The following GTPBP3 variants were observed in gnomAD, a reference collection of about 807,000 sequenced individuals.
The protein encoded by GTPBP3 is GTP binding protein 3, mitochondrial, also known as 5-taurinomethyluridine-[tRNA] synthase subunit GTPB3, mitochondrial.
Under a neutral mutation model 42.0 loss-of-function variants are expected in GTPBP3, and 35 were observed. The observed-to-expected ratio is 0.83, with a 90% confidence interval of 0.64 to 1.10. The LOEUF (loss-of-function observed/expected upper bound fraction) is 1.10, where lower values mean the gene tolerates loss of function less well. Among genes scored for constraint, GTPBP3 ranks in the 50% least tolerant of loss-of-function variants. GTPBP3 has a pLI of 0.00. For missense variants in GTPBP3, 691 were observed against 685.2 expected (o/e 1.01, Z -0.09); for synonymous variants, 332 against 314.9 (o/e 1.05, Z -0.58).
chr19:17,338,303 T>TTC (rs2074388309), intron 2 of GTPBP3, 48 bp downstream of exon 2: 3 of 1,606,186 alleles, frequency 1.9e-6, no homozygotes. Flanking sequence ...ATGACTCAGT[T>TTC]TCCCCCTTCC....
Position 17,341,151 on chromosome 19 carries a change from G to A in GTPBP3, c.1082G>A (p.Ser361Asn), listed in dbSNP as rs374190574. The A allele has an allele frequency of 3.7e-6, 6 of 1,613,458 alleles. No homozygotes were observed. In the African/African-American group the frequency reaches 4.0e-5, roughly 11 times the overall value. The change falls in exon 8 of 9, where the codon AGC becomes AAC. Residue 361 changes from serine (S) to asparagine (N), a missense_variant. Ser to Asn is a conservative substitution (Grantham distance 46, BLOSUM62 1). Transcript: ENST00000324894. ...GTCGTAGCCTCTGTGGGAGCCCAGA[G>A]CCCCAGTGACAGCAGCCAGCGCCTC... Reference protein sequence around the residue: ...ATVVASVGAQSPSDSSQRLLL... With the variant: ...ATVVASVGAQNPSDSSQRLLL...
At chr19:17,337,764 T>C (rs895652669) in intron 1 of GTPBP3, 100 bp downstream of exon 1, 14 of 1,346,312 alleles carry the variant, frequency 1.0e-5, no homozygotes, top group African/African-American at 1.5e-5. Flanking sequence ...GGCAGAGCAA[T>C]CATTCGCGTT....
upstream of GTPBP3, chr19:17,335,081 A>G (rs1005435631): frequency 1.3e-6 from 2 of 1,535,958 alleles, no homozygotes; most frequent in African/African-American, 1.4e-5. Flanking sequence ...CCCATCTGCA[A>G]ACTCCGGACC....
At chr19:17,339,640 C>T in intron 7 of GTPBP3, 41 bp downstream of exon 7, 2 of 1,524,664 alleles carry the variant, frequency 1.3e-6, no homozygotes, top group Non-Finnish European at 1.8e-6. Context: ...ACGCGGGGCC[C>T]TTTCTCTGCC....
In GTPBP3 at chr19:17,338,405, C is replaced by T. The variant is rs1670982188; in HGVS notation, c.342C>T (p.His114=). 3 of 1,614,050 alleles carry T rather than the reference C, an allele frequency of 1.9e-6. No homozygotes were observed. The highest frequency in any genetic ancestry group is 2.7e-5 in the African/African-American group (2 of 74,938). ...CCGGTGAGGACTGCGTGGAGTTCCA[C>T]GTGCATGGAGGCCCGGCAGTGGTGA... The part of the protein sequence containing the change: ...SFTGEDCVEF[H]VHGGPAVVSG... Residue 114 remains histidine, a synonymous_variant, in exon 3 of 9, where the codon CAC becomes CAT. Transcript: ENST00000324894.
Position 17,341,687 on chromosome 19 carries a change from T to A in GTPBP3, c.1463T>A (p.Phe488Tyr). ...ATCCTGGACATCATCTTCCAGGACT[T>A]CTGTGTGGGCAAGTGACGGGATCCA... The part of the protein sequence containing the change: ...EEILDIIFQD[F>Y]CVGK The change falls in exon 9 of 9, where the codon TTC becomes TAC. Residue 488 changes from phenylalanine to tyrosine, a missense_variant. Physicochemically the swap from Phe to Tyr is conservative, Grantham distance 22. Transcript: ENST00000324894. 6.3e-7 allele frequency: 1 copy of A among 1,584,066 alleles called. No individual in the cohort carries two copies. Among genetic ancestry groups the A allele is most frequent in the East Asian group, 2.3e-5 (1 of 44,202 alleles).
rs749076922 is a variant in GTPBP3, at chr19:17,338,353, C to T, written c.302-12C>T. 4 of 1,613,750 alleles carry T rather than the reference C, an allele frequency of 2.5e-6. No individual in the cohort carries two copies. Among genetic ancestry groups the T allele is most frequent in the Non-Finnish European group, 3.4e-6 (4 of 1,179,804 alleles). On this transcript the variant is annotated splice_polypyrimidine_tract_variant and intron_variant, in intron 2 of 8. Transcript: ENST00000324894. ...GCTGTGCTGTCCTCCTGTCACCTGT[C>T]TGTCACATTAGGTCCCCAGAGTTTC...
intron 4 of GTPBP3, 56 bp from the exon 5 acceptor site, chr19:17,338,898 G>A: frequency 6.4e-7 from 1 of 1,550,750 alleles, no homozygotes; most frequent in Non-Finnish European, 8.7e-7. Context: ...CAAATTGGGT[G>A]TGGGAAGGTG....
intron 1 of GTPBP3, 102 bp from the exon 2 acceptor site, chr19:17,337,906 A>AC (rs35593961): frequency 3.4e-5 from 45 of 1,327,452 alleles, no homozygotes; most frequent in South Asian, 2.9e-4. Context: ...CAGCCGCAGA[A>AC]CCCCCCCACC....
rs1599562766 is a variant in GTPBP3 at position 17,341,229 on chromosome 19, G to T, written c.1160G>T (p.Gly387Val). ...CTGTCCCCGGAGGGCCCAGGTCCCG[G>T]TCCTGACCTGCCCCCGCACCTGCTG... ...DLLSPEGPGP[G>V]PDLPPHLLLS... Residue 387 changes from glycine (G) to valine (V), a missense_variant, in exon 8 of 9, where the codon GGT (glycine) becomes GTT (valine). Transcript: ENST00000324894. 2.5e-6 allele frequency: 4 copies of T among 1,607,862 alleles called. No homozygotes were observed. The highest frequency in any genetic ancestry group is 3.4e-6 in the Non-Finnish European group (4 of 1,179,944).
In GTPBP3 at chr19:17,339,084, C is replaced by T. The variant is rs762412342; in HGVS notation, c.665-39C>T. 4 of 1,614,034 alleles carry T rather than the reference C, an allele frequency of 2.5e-6. No individual in the cohort carries two copies. The highest frequency in any genetic ancestry group is 3.4e-6 in the Non-Finnish European group (4 of 1,180,016). ...CCTCATATCAGCCCTCAAAGGCTCC[C>T]CTCACTGTCTCTCTCTGCCTGCCTT... is the stretch of plus-strand genomic sequence containing the variant. On this transcript the variant is annotated intron_variant, in intron 5 of 8. Coordinates refer to ENST00000324894, the MANE Select transcript of GTPBP3 (RefSeq NM_032620.4).
chr19:17,339,912 ATTTTTT>A (rs35014753), intron 7 of GTPBP3, among the ~76,000 whole-genome samples: 1 of 139,802 alleles, frequency 7.2e-6, no homozygotes, highest in African/African-American at 2.6e-5. Context: ...ACGCCGAACT[ATTTTTT>A]TTTTTTTTTT....
chr19:17,339,865 G>A (rs1295395909), intron 7 of GTPBP3, among the ~76,000 whole-genome samples: 2 of 150,156 alleles, frequency 1.3e-5, no homozygotes, highest in Non-Finnish European at 3.0e-5. Context: ...TCCTGCCTCA[G>A]CCTCCCAAGT....
intron 4 of GTPBP3, 48 bp from the exon 5 acceptor site, chr19:17,338,906 G>A: frequency 6.4e-7 from 1 of 1,553,952 alleles, no homozygotes; most frequent in Non-Finnish European, 8.7e-7. Context: ...GTGTGGGAAG[G>A]TGGGTTTCTG....
At chr19:17,336,502 C>G (rs913110530), upstream of GTPBP3, among the ~76,000 whole-genome samples, 4 of 151,558 alleles carry the variant, frequency 2.6e-5, no homozygotes, top group Non-Finnish European at 5.9e-5. Context: ...GACCCTGTCT[C>G]AAAAATAAAA....
At chr19:17,337,818 A>C in intron 1 of GTPBP3, 154 bp downstream of exon 1, 2 of 1,198,280 alleles carry the variant, frequency 1.7e-6, no homozygotes, top group Non-Finnish European at 2.3e-6. Flanking sequence ...CAGAGCCCAT[A>C]TCTGGGTCTC....
In GTPBP3 at chr19:17,339,204, G is replaced by T. The variant is rs775371901; in HGVS notation, c.746G>T (p.Gly249Val). The T allele has an allele frequency of 6.2e-7, 1 of 1,613,454 alleles. No individual in the cohort carries two copies. Among genetic ancestry groups the T allele is most frequent in the Non-Finnish European group, 8.5e-7 (1 of 1,179,988 alleles). ...AGGCGCGGGCAGAGGCTCCGCTCAGGGGTGCACGTAGTGGTCACTGGACCC... is the reference window on the plus strand; with the variant it reads ...AGGCGCGGGCAGAGGCTCCGCTCAGTGGTGCACGTAGTGGTCACTGGACCC... Reference protein sequence around the residue: ...DARRGQRLRSGVHVVVTGPPN... With the variant: ...DARRGQRLRSVVHVVVTGPPN... Residue 249 changes from glycine (G) to valine (V), a missense_variant, in exon 6 of 9, where the codon GGG (glycine) becomes GTG (valine). Transcript: ENST00000324894.
intron 1 of GTPBP3, 49 bp from the exon 2 acceptor site, chr19:17,337,959 T>A: frequency 1.9e-6 from 3 of 1,586,530 alleles, no homozygotes; most frequent in Non-Finnish European, 2.6e-6. Context: ...TACTTGACAC[T>A]GAGGCTGAGC....
upstream of GTPBP3, among the ~76,000 whole-genome samples, chr19:17,336,235 C>CAAAA (rs1196472362): frequency 6.3e-5 from 1 of 15,792 alleles, no homozygotes; most frequent in African/African-American, 2.7e-4. Context: ...GACCCCGTCT[C>CAAAA]AAAAAAAAAA....
Sources: gnomAD v4.1 joint callset for allele counts (sites outside exome capture counted in the v4.1 genomes callset) on GRCh38, gnomAD v4.1.1 for gene constraint, MANE v1.5 for transcripts, NCBI Gene and HGNC (gene_info 2026-07-23, HGNC 2026-07-21) for gene names.